NUCB2: variants seen among roughly 807,000 people sequenced by gnomAD.
NUCB2 encodes nucleobindin 2, also known as nucleobindin-2.
A neutral mutation model predicts 57.9 loss-of-function variants in NUCB2; 48 were observed. The ratio of observed to expected loss-of-function variants is 0.83; its 90% CI spans 0.66 to 1.05. The LOEUF (loss-of-function observed/expected upper bound fraction) is 1.05, where lower values mean the gene tolerates loss of function less well. Ranked by LOEUF, NUCB2 falls within the 50% of genes least tolerant of loss-of-function variation. The pLI, the probability that NUCB2 is intolerant of heterozygous loss-of-function variation, is 0.00. For missense variants in NUCB2, 442 were observed against 476.2 expected, an observed-to-expected ratio of 0.93 and a Z score of 0.67; for synonymous variants, 139 against 152.1, an observed-to-expected ratio of 0.91 and a Z score of 0.64.
At chr11:17,315,294 A>C (rs1949065718) in intron 10 of NUCB2, 92 bp from the exon 11 acceptor site, 1 of 584,700 alleles carries the variant, frequency 1.7e-6, no homozygotes, top group African/African-American at 1.9e-5. Context: ...CTGTATGTTT[A>C]TGTAGTGGCA....
chr11:17,288,976 G>T (rs1454283357), intron 2 of NUCB2, among the ~76,000 whole-genome samples: 118 of 46,536 alleles, frequency 2.5e-3, no homozygotes, highest in Middle Eastern at 0.013. Context: ...TTTTTTTTTT[G>T]AGATGGAGTT....
chr11:17,296,202 G>A lies in NUCB2; in HGVS notation c.243G>A (p.Glu81=). Residue 81 remains glutamate, a synonymous_variant, in exon 4 of 14, where the codon GAG becomes GAA. Transcript: ENST00000529010. ...AAAAGCTCCAGAAAGCAGACATAGAGGAAATAAAGGTAAATGCAATTCAAT... is the reference window on the plus strand; with the variant it reads ...AAAAGCTCCAGAAAGCAGACATAGAAGAAATAAAGGTAAATGCAATTCAAT... ...FREKLQKADI[E]EIKSGRLSKE... is the part of the protein sequence containing the mutation. 1 of 1,594,072 alleles carries A rather than the reference G, an allele frequency of 6.3e-7. No homozygotes were observed. The highest frequency in any genetic ancestry group is 8.6e-7 in the Non-Finnish European group (1 of 1,164,740).
chr11:17,287,672 C>CAAAA (rs1158145912), intron 2 of NUCB2, among the ~76,000 whole-genome samples: 1 of 65,400 alleles, frequency 1.5e-5, no homozygotes. Context: ...AACTCCACCT[C>CAAAA]AAAAAAAAAA....
At chr11:17,287,955 G>A (rs1944076008) in intron 2 of NUCB2, among the ~76,000 whole-genome samples, 1 of 152,074 alleles carries the variant, frequency 6.6e-6, no homozygotes, top group Non-Finnish European at 1.5e-5. Flanking sequence ...CCGAGATCGC[G>A]GCACTGCACT....
At chr11:17,329,379 T>C (rs1951095283) in intron 11 of NUCB2, among the ~76,000 whole-genome samples, 1 of 152,176 alleles carries the variant, frequency 6.6e-6, no homozygotes, top group Non-Finnish European at 1.5e-5. Flanking sequence ...ACAGTCCTCC[T>C]TTCCTAGACT....
At chr11:17,305,132 T>G (rs954839667) in intron 5 of NUCB2, among the ~76,000 whole-genome samples, 2 of 152,222 alleles carry the variant, frequency 1.3e-5, no homozygotes, top group Non-Finnish European at 2.9e-5. Context: ...AAGACCAGTT[T>G]CGCCAACATG....
chr11:17,332,551 C>T (rs990956413), downstream of NUCB2: 4 of 145,202 alleles, frequency 2.8e-5, no homozygotes, highest in South Asian at 2.4e-4. Flanking sequence ...CACCAGAAAT[C>T]CAGCCCATTA....
intron 2 of NUCB2, among the ~76,000 whole-genome samples, chr11:17,346,844 G>A (rs117186207): frequency 0.058 from 8,869 of 152,068 alleles, 289 homozygotes; most frequent in Middle Eastern, 0.096. Flanking sequence ...TTTTTTCTGC[G>A]CTAAGATCCA....
intron 2 of NUCB2, among the ~76,000 whole-genome samples, chr11:17,287,672 CA>C (rs1158145912): frequency 0.056 from 3,655 of 65,412 alleles, 39 homozygotes; most frequent in Middle Eastern, 0.19. Context: ...AACTCCACCT[CA>C]AAAAAAAAAA....
chr11:17,287,842 A>G (rs1440095847), intron 2 of NUCB2, among the ~76,000 whole-genome samples: 1 of 151,760 alleles, frequency 6.6e-6, no homozygotes, highest in Non-Finnish European at 1.5e-5. Flanking sequence ...TCTACTAAAA[A>G]TACAAAAATT....
chr11:17,312,151 A>T, intron 10 of NUCB2, 31 bp downstream of exon 10: 1 of 986,090 alleles, frequency 1.0e-6, no homozygotes, highest in African/African-American at 1.6e-5. Context: ...ATAATATGTT[A>T]TTTCTATGTA....
chr11:17,305,097 G>A (rs1947404919), intron 5 of NUCB2, among the ~76,000 whole-genome samples: 2 of 152,240 alleles, frequency 1.3e-5, no homozygotes, highest in Non-Finnish European at 2.9e-5. Context: ...GCTAAGGCGG[G>A]CGGATCACCT....
chr11:17,302,714 GGCATGCACCACCATGCCCT>G (rs1946948832), intron 5 of NUCB2, among the ~76,000 whole-genome samples: 1 of 151,334 alleles, frequency 6.6e-6, no homozygotes, highest in Non-Finnish European at 1.5e-5. Context: ...TAGGAGTGCA[GGCATGCACCACCATGCCCT>G]GCTAATTTTT....
intron 11 of NUCB2, among the ~76,000 whole-genome samples, chr11:17,323,808 T>A (rs1261770622): frequency 6.6e-6 from 1 of 152,216 alleles, no homozygotes; most frequent in Admixed American, 6.5e-5. Context: ...GTAGTTTGTA[T>A]GTGTCTAGGA....
At chr11:17,293,597 G>A (rs1945314078) in intron 2 of NUCB2, among the ~76,000 whole-genome samples, 1 of 152,130 alleles carries the variant, frequency 6.6e-6, no homozygotes, top group African/African-American at 2.4e-5. Context: ...AAACACAAAT[G>A]TTTACTGAAG....
At chr11:17,313,444 C>T (rs549374456) in intron 10 of NUCB2, among the ~76,000 whole-genome samples, 44 of 152,144 alleles carry the variant, frequency 2.9e-4, no homozygotes, top group Non-Finnish European at 5.4e-4. Context: ...GCATGAGAAT[C>T]GCTTGAACCC....
In NUCB2 at chr11:17,310,832, G is replaced by C. The variant is rs1281467783; in HGVS notation, c.491G>C (p.Ser164Thr). 6.3e-7 allele frequency: 1 copy of C among 1,576,378 alleles called. No individual in the cohort carries two copies. ...TGCATTATTGCATTTCAGGCAACAA[G>C]TGATCTGGAACACTATGACAAGACT... ...DLDMLIKAAT[S>T]DLEHYDKTRH... Residue 164 changes from serine (S) to threonine (T), a missense_variant, in exon 7 of 14, where the codon AGT (serine) becomes ACT (threonine). Physicochemically the swap from Ser to Thr is moderately conservative, Grantham distance 58. Transcript: ENST00000529010.
At chr11:17,314,671 C>T (rs1948988144) in intron 10 of NUCB2, among the ~76,000 whole-genome samples, 1 of 152,188 alleles carries the variant, frequency 6.6e-6, no homozygotes, top group Admixed American at 6.5e-5. Context: ...TCTGCCTCTC[C>T]TCCCTTTAAG....
rs773456884 is a variant in NUCB2 at position 17,295,437 on chromosome 11, C to T, written c.114C>T (p.His38=). The T allele has an allele frequency of 2.5e-6, 4 of 1,611,870 alleles. No individual in the cohort carries two copies. The highest frequency in any genetic ancestry group is 1.3e-5 in the African/African-American group (1 of 74,738). ...DIDKTKVQNI[H]PVESAKIEPP... ...ACAAGACAAAAGTACAAAATATTCA[C>T]CCTGTGGAAAGTGCGAAGATAGAAC... Residue 38 remains histidine (H), a synonymous_variant, in exon 3 of 14, where the codon CAC becomes CAT. Transcript: ENST00000529010.
Sources: allele counts gnomAD v4.1 joint callset (sites outside exome capture counted in the v4.1 genomes callset), GRCh38; gene constraint gnomAD v4.1.1; transcripts MANE v1.5; gene names NCBI Gene and HGNC (gene_info 2026-07-23, HGNC 2026-07-21).